Variants in RELL1 observed in about 807,000 individuals in gnomAD.
RELL1 encodes the protein RELT like 1.
A neutral mutation model predicts 23.0 loss-of-function variants in RELL1; 10 were observed. The ratio of observed to expected loss-of-function variants is 0.43; its 90% confidence interval spans 0.27 to 0.74. The LOEUF is 0.74. Among genes scored for constraint, RELL1 ranks in the 30% least tolerant of loss-of-function variants. The pLI, the probability that RELL1 is intolerant of heterozygous loss-of-function variation, is 0.19. For missense variants in RELL1, 315 were observed against 364.4 expected (o/e 0.86, Z 1.10); for synonymous variants, 146 against 146.8 (o/e 0.99, Z 0.04).
At chr4:37,606,897 T>G (rs761635018), downstream of RELL1, among the ~76,000 whole-genome samples, 1 of 152,108 alleles carries the variant, frequency 6.6e-6, no homozygotes, top group Non-Finnish European at 1.5e-5. This position sits in a 1 kb window ranked among gnomAD's most constrained non-coding sequence, Gnocchi z 4.1. Flanking sequence ...AATAGTAACT[T>G]TACCAAAATG....
intron 3 of RELL1, among the ~76,000 whole-genome samples, chr4:37,642,163 G>C (rs17577627): frequency 0.036 from 5,550 of 152,208 alleles, 268 homozygotes; most frequent in East Asian, 0.16. Context: ...GAACCCACTC[G>C]GTACTCACAG....
At chr4:37,677,170 A>G (rs928898377) in intron 1 of RELL1, among the ~76,000 whole-genome samples, 1 of 152,220 alleles carries the variant, frequency 6.6e-6, no homozygotes, top group Non-Finnish European at 1.5e-5. Context: ...ACATCCAAGG[A>G]GCTGAGAAAC....
chr4:37,686,177 C>T (rs775331804), intron 1 of RELL1, 23 bp downstream of exon 1: 37 of 1,559,640 alleles, frequency 2.4e-5, no homozygotes, highest in Non-Finnish European at 4.3e-6. Flanking sequence ...CACCCGGCGC[C>T]CCGGCTACGA....
chr4:37,612,349 C>CAA lies in RELL1; in HGVS notation c.*995_*996dup, dbSNP rs1560328454. ...AAAAAAAAAAAAAAACAAAAAAAAA[C>CAA]AAAAAACCGGGTGCAGTGGCCCACG... On this transcript the variant is annotated 3_prime_UTR_variant, in exon 7 of 7. Transcript: ENST00000454158. Among the ~76,000 whole-genome samples the CAA allele has an allele frequency of 1.0e-5, 1 of 99,636 alleles. No homozygotes were observed. The highest frequency in any genetic ancestry group is 3.8e-5 in the African/African-American group (1 of 26,234). 65.4% of individuals were successfully genotyped at this position (99,636 alleles called of 152,430 possible). A position where few individuals can be genotyped will look rare whatever the true frequency, so the allele number is the denominator to read the frequency against.
At chr4:37,638,753 T>C (rs1025497481) in intron 3 of RELL1, among the ~76,000 whole-genome samples, 5 of 152,166 alleles carry the variant, frequency 3.3e-5, no homozygotes, top group African/African-American at 4.8e-5. Flanking sequence ...AGATCTACTA[T>C]AAGGCATTGC....
intron 6 of RELL1, among the ~76,000 whole-genome samples, chr4:37,602,121 G>T (rs1021922993): frequency 2.0e-5 from 3 of 151,452 alleles, no homozygotes; most frequent in Non-Finnish European, 4.4e-5. Context: ...GGAGGCTCAG[G>T]TGGGAGGATT....
In RELL1 at chr4:37,611,091, T is replaced by C. The variant is rs1719360116; in HGVS notation, c.*2255A>G. On this transcript the variant is annotated 3_prime_UTR_variant, in exon 7 of 7. Coordinates refer to ENST00000454158, the MANE Select transcript of RELL1 (RefSeq NM_001085400.2). ...ATATTTTTGAGTATTCTCTTGCCTGTTGTATTGCTATTTAAAAAAAAGTGC... is the reference window on the plus strand; with the variant it reads ...ATATTTTTGAGTATTCTCTTGCCTGCTGTATTGCTATTTAAAAAAAAGTGC... Among the ~76,000 whole-genome samples, 1 of 150,462 alleles carries C rather than the reference T, an allele frequency of 6.6e-6. No individual in the cohort carries two copies. The highest frequency in any genetic ancestry group is 1.5e-5 in the Non-Finnish European group (1 of 67,536).
intron 6 of RELL1, among the ~76,000 whole-genome samples, chr4:37,628,143 C>T (rs1720012978): frequency 6.6e-6 from 1 of 152,138 alleles, no homozygotes. Flanking sequence ...GCCTATACTT[C>T]ATTGGGGTAA....
chr4:37,648,932 A>T (rs1284845172), intron 2 of RELL1, among the ~76,000 whole-genome samples: 1 of 152,260 alleles, frequency 6.6e-6, no homozygotes, highest in East Asian at 1.9e-4. Context: ...CCAAAAGGTA[A>T]GGATTATTTT....
intron 1 of RELL1, among the ~76,000 whole-genome samples, chr4:37,684,768 T>C (rs778541216): frequency 7.9e-5 from 12 of 151,672 alleles, no homozygotes; most frequent in Non-Finnish European, 1.2e-4. Flanking sequence ...GCCTGGCCAA[T>C]ATGGCAAAAC....
downstream of RELL1, among the ~76,000 whole-genome samples, chr4:37,607,867 C>T (rs1668572438): frequency 6.6e-6 from 1 of 152,172 alleles, no homozygotes; most frequent in Non-Finnish European, 1.5e-5. Context: ...GGATTACAGG[C>T]GTGAGCCACT....
At chr4:37,638,389 A>G in intron 4 of RELL1, 58 bp downstream of exon 4, 2 of 1,330,442 alleles carry the variant, frequency 1.5e-6, no homozygotes, top group Middle Eastern at 1.8e-4. Context: ...AGATGGCGCC[A>G]TATCTGAGCA....
chr4:37,680,840 G>C (rs1722191201), intron 1 of RELL1, among the ~76,000 whole-genome samples: 2 of 151,492 alleles, frequency 1.3e-5, no homozygotes, highest in African/African-American at 4.9e-5. Context: ...GCTGAGGCGG[G>C]AGAATGGCAT....
At chr4:37,622,612 T>C (rs1328023064) in intron 6 of RELL1, among the ~76,000 whole-genome samples, 1 of 152,124 alleles carries the variant, frequency 6.6e-6, no homozygotes, top group African/African-American at 2.4e-5. Flanking sequence ...ACTCTCGGCA[T>C]GATCTTGAAC....
chr4:37,672,686 T>G (rs570232027), intron 1 of RELL1, among the ~76,000 whole-genome samples: 2 of 129,816 alleles, frequency 1.5e-5, no homozygotes, highest in Non-Finnish European at 3.1e-5. Flanking sequence ...TTCCATAATA[T>G]GTAGGCATTG....
At chr4:37,610,052 A>C (rs528504164), downstream of RELL1, among the ~76,000 whole-genome samples, 1 of 152,294 alleles carries the variant, frequency 6.6e-6, no homozygotes, top group East Asian at 1.9e-4. The surrounding 1 kb of genome is among the most constrained non-coding windows in gnomAD (Gnocchi z 4.1). Flanking sequence ...CATGCTATAG[A>C]GAAAACTTTC....
intron 6 of RELL1, among the ~76,000 whole-genome samples, chr4:37,600,241 G>A (rs1718978738): frequency 7.0e-6 from 1 of 142,080 alleles, no homozygotes; most frequent in African/African-American, 2.7e-5. Flanking sequence ...CTGCACTCCA[G>A]CCTGGGTGAC....
chr4:37,608,893 A>ATCCC (rs1719299815), downstream of RELL1, among the ~76,000 whole-genome samples: 1 of 152,192 alleles, frequency 6.6e-6, no homozygotes, highest in Non-Finnish European at 1.5e-5. Flanking sequence ...AGCCTCCCAA[A>ATCCC]GTGCTGGGAT....
At chr4:37,621,517 AACCATT>A (rs1347446110) in intron 6 of RELL1, among the ~76,000 whole-genome samples, 1 of 152,154 alleles carries the variant, frequency 6.6e-6, no homozygotes, top group Non-Finnish European at 1.5e-5. Flanking sequence ...TCCTGATTAT[AACCATT>A]AATTCCATTT....
Sources: gnomAD v4.1 joint callset for allele counts (sites outside exome capture counted in the v4.1 genomes callset) on GRCh38, gnomAD v4.1.1 for gene constraint, Gnocchi (gnomAD v3.1) non-coding constraint, MANE v1.5 for transcripts, NCBI Gene and HGNC (gene_info 2026-07-23, HGNC 2026-07-21) for gene names.